Variants in PHF21A observed in about 807,000 individuals in gnomAD.
PHF21A encodes the protein BHC80a.
In PHF21A, 11 loss-of-function variants were observed where a neutral mutation model predicts 82.5. The ratio of observed to expected loss-of-function variants is 0.13; its 90% confidence interval spans 0.08 to 0.22. PHF21A has a LOEUF of 0.22. Ranked by LOEUF, PHF21A falls within the 10% of genes least tolerant of loss-of-function variation. The probability of loss-of-function intolerance (pLI) is 1.00; values close to 1 mark genes in which losing one functional copy is unlikely to be tolerated. For synonymous variants in PHF21A, 297 were observed against 302.8 expected (o/e 0.98, Z 0.20); for missense variants, 579 against 837.8 (o/e 0.69, Z 3.81).
At chr11:45,946,067 C>A (rs2091250575) in intron 14 of PHF21A, 64 bp from the exon 15 acceptor site, 1 of 1,613,792 alleles carries the variant, frequency 6.2e-7, no homozygotes, top group African/African-American at 1.3e-5. Context: ...GGAAAATGAT[C>A]TTACATACCT....
chr11:45,970,010 A>G lies in PHF21A; in HGVS notation c.613-106T>C, dbSNP rs2136049862. 3 of 803,290 alleles carry G rather than the reference A, an allele frequency of 3.7e-6. No individual in the cohort carries two copies. The South Asian group carries it at 4.4e-5, about 12-fold the overall frequency. The allele number at this position is 803,290 out of a possible 1,614,324, so 49.8% of individuals were successfully genotyped here. ...CTTTGGATCAGACAATATTTTCTACAAGCTTTCATCGTAAGTTAATCATCT... is the reference window on the plus strand; with the variant it reads ...CTTTGGATCAGACAATATTTTCTACGAGCTTTCATCGTAAGTTAATCATCT... On this transcript the variant is annotated intron_variant, in intron 8 of 18. Coordinates refer to ENST00000676320, the MANE Select transcript of PHF21A (RefSeq NM_001352027.3).
intron 6 of PHF21A, among the ~76,000 whole-genome samples, chr11:46,068,291 A>G (rs1258792408): frequency 2.0e-5 from 3 of 152,178 alleles, no homozygotes; most frequent in Non-Finnish European, 4.4e-5. Context: ...AAAACAGATG[A>G]ATCAGACTCT....
chr11:46,114,674 T>G (rs963119066), intron 1 of PHF21A, among the ~76,000 whole-genome samples: 15 of 152,076 alleles, frequency 9.9e-5, no homozygotes, highest in African/African-American at 3.6e-4. Flanking sequence ...TATTTAAAAT[T>G]TAAAAAAAAC....
intron 3 of PHF21A, among the ~76,000 whole-genome samples, 198 bp downstream of exon 3, chr11:46,090,257 A>T (rs1292800351): frequency 2.0e-5 from 3 of 152,062 alleles, no homozygotes; most frequent in Middle Eastern, 3.2e-3. Context: ...TGACTATTTA[A>T]AAAAAAACTG....
intron 6 of PHF21A, among the ~76,000 whole-genome samples, chr11:46,054,314 T>A (rs1035025957): frequency 7.2e-5 from 11 of 152,144 alleles, no homozygotes; most frequent in African/African-American, 2.7e-4. Context: ...TTCAAACAAA[T>A]CATTAACTCT....
At chr11:45,989,818 G>A (rs1416301562) in intron 6 of PHF21A, among the ~76,000 whole-genome samples, 1 of 152,106 alleles carries the variant, frequency 6.6e-6, no homozygotes, top group East Asian at 1.9e-4. Flanking sequence ...GGGCAACAAA[G>A]TGAGACCCTG....
intron 6 of PHF21A, among the ~76,000 whole-genome samples, chr11:45,998,587 G>A (rs61882508): frequency 0.12 from 18,266 of 147,782 alleles, 1,324 homozygotes; most frequent in African/African-American, 0.22. Flanking sequence ...ATCTTGGCTC[G>A]GCGCAACCTC....
intron 3 of PHF21A, among the ~76,000 whole-genome samples, chr11:46,086,037 A>C (rs1431068247): frequency 6.6e-6 from 1 of 152,236 alleles, no homozygotes; most frequent in Non-Finnish European, 1.5e-5. Flanking sequence ...AAACATTTTA[A>C]AAGGCAGTAT....
At chr11:46,016,761 G>A (rs912366435) in intron 6 of PHF21A, among the ~76,000 whole-genome samples, 1 of 151,750 alleles carries the variant, frequency 6.6e-6, no homozygotes, top group African/African-American at 2.4e-5. Flanking sequence ...CCTGGAGCTT[G>A]GCAGCCCTCA....
rs60775450 is a variant in PHF21A at position 45,958,449 on chromosome 11, T to TACACACACACACAC, written c.997-4838_997-4825dup. On this transcript the variant is annotated intron_variant, in intron 10 of 18. Transcript: ENST00000676320. ...ATATATATATATATATATATATATATACACACACACACACACACACATATA... is the reference window on the plus strand; with the variant it reads ...ATATATATATATATATATATATATATACACACACACACACACACACACACACACACACACATATA... Among the ~76,000 whole-genome samples the TACACACACACACAC allele has an allele frequency of 9.2e-3, 138 of 15,054 alleles. 6 individuals carry two copies. Among genetic ancestry groups the TACACACACACACAC allele is most frequent in the African/African-American group, 0.025 (129 of 5,220 alleles). 9.9% of individuals were successfully genotyped at this position (15,054 alleles called of 152,430 possible). A position where few individuals can be genotyped will look rare whatever the true frequency, so the allele number is the denominator to read the frequency against.
intron 6 of PHF21A, among the ~76,000 whole-genome samples, chr11:45,995,143 T>C (rs907588716): frequency 1.3e-5 from 2 of 152,228 alleles, no homozygotes; most frequent in African/African-American, 4.8e-5. Context: ...TCAGGTTGGC[T>C]GCTAAGGCAA....
At chr11:46,009,292 C>A (rs1454759401) in intron 6 of PHF21A, among the ~76,000 whole-genome samples, 1 of 152,052 alleles carries the variant, frequency 6.6e-6, no homozygotes, top group Non-Finnish European at 1.5e-5. Context: ...ACATTTCTCA[C>A]CTTCTGTTCA....
chr11:45,959,824 T>C (rs1005193975), intron 10 of PHF21A, among the ~76,000 whole-genome samples: 1 of 152,330 alleles, frequency 6.6e-6, no homozygotes, highest in East Asian at 1.9e-4. Flanking sequence ...ATCCAGATTA[T>C]ATAAAGAACT....
At chr11:46,047,926 A>T (rs2096280335) in intron 6 of PHF21A, among the ~76,000 whole-genome samples, 1 of 152,248 alleles carries the variant, frequency 6.6e-6, no homozygotes, top group Admixed American at 6.5e-5. Context: ...TTTTGAATTA[A>T]AAGACAATTC....
chr11:46,106,721 C>T (rs954312686), intron 1 of PHF21A, among the ~76,000 whole-genome samples: 1 of 152,188 alleles, frequency 6.6e-6, no homozygotes, highest in Non-Finnish European at 1.5e-5. Context: ...ACAGAGAAGA[C>T]GCTTACCAAG....
chr11:46,100,571 T>C (rs1472597279), intron 1 of PHF21A, among the ~76,000 whole-genome samples: 1 of 152,212 alleles, frequency 6.6e-6, no homozygotes, highest in Non-Finnish European at 1.5e-5. Flanking sequence ...TTAAAGGTCC[T>C]GTTAAGTAAG....
At chr11:46,037,357 C>T (rs2096027098) in intron 6 of PHF21A, among the ~76,000 whole-genome samples, 1 of 152,124 alleles carries the variant, frequency 6.6e-6, no homozygotes. Flanking sequence ...AAATGGAGTG[C>T]TCGGCCTGGC....
chr11:46,071,035 T>C (rs1243267655), intron 6 of PHF21A, among the ~76,000 whole-genome samples: 1 of 152,218 alleles, frequency 6.6e-6, no homozygotes, highest in Admixed American at 6.5e-5. Flanking sequence ...TTTTTTATAC[T>C]TTTAGACTAA....
At chr11:46,062,369 T>A (rs939400524) in intron 6 of PHF21A, among the ~76,000 whole-genome samples, 2 of 152,148 alleles carry the variant, frequency 1.3e-5, no homozygotes, top group African/African-American at 4.8e-5. Context: ...CCTCTTAAAA[T>A]TTTTCTCTAT....
Sources: gnomAD v4.1 joint callset for allele counts (sites outside exome capture counted in the v4.1 genomes callset) on GRCh38, gnomAD v4.1.1 for gene constraint, MANE v1.5 for transcripts, NCBI Gene and HGNC (gene_info 2026-07-23, HGNC 2026-07-21) for gene names.